The following FAM114A2 variants were observed in gnomAD, a reference collection of about 807,000 sequenced individuals.
FAM114A2 encodes the protein protein FAM114A2.
Under a neutral mutation model 58.4 loss-of-function variants are expected in FAM114A2, and 53 were observed. That is an observed-to-expected ratio of 0.91 (90% CI 0.73 to 1.14). The LOEUF (loss-of-function observed/expected upper bound fraction) is 1.14. Among genes scored for constraint, FAM114A2 ranks in the 50% most tolerant of loss-of-function variants. The pLI is 0.00. For synonymous variants in FAM114A2, 228 were observed against 211.4 expected, an observed-to-expected ratio of 1.08 and a Z score of -0.68; for missense variants, 601 against 581.1, an observed-to-expected ratio of 1.03 and a Z score of -0.35.
At chr5:154,037,868 C>G (rs111651017) in intron 1 of FAM114A2, among the ~76,000 whole-genome samples, 6 of 152,110 alleles carry the variant, frequency 3.9e-5, no homozygotes, top group Non-Finnish European at 7.4e-5. Context: ...AGTCCCTTTA[C>G]TAAAATATTA....
At chr5:154,025,168 C>A (rs953422848) in intron 8 of FAM114A2, among the ~76,000 whole-genome samples, 1 of 152,150 alleles carries the variant, frequency 6.6e-6, no homozygotes, top group Non-Finnish European at 1.5e-5. Flanking sequence ...TTTCCTGAGA[C>A]AACCATCATA....
At chr5:154,027,585 C>A (rs1457732329) in intron 6 of FAM114A2, 2 of 302,990 alleles carry the variant, frequency 6.6e-6, no homozygotes, top group Admixed American at 4.7e-5. Context: ...ACTGCAACCT[C>A]TGCCTCTCGG....
intron 12 of FAM114A2, chr5:153,995,193 T>G (rs1035726228): frequency 2.2e-6 from 1 of 448,808 alleles, no homozygotes; most frequent in Non-Finnish European, 4.0e-6. Context: ...GACAGTGTAT[T>G]GTTTTATACC....
chr5:154,016,827 GAC>G (rs1385768308), intron 8 of FAM114A2, among the ~76,000 whole-genome samples: 7 of 151,888 alleles, frequency 4.6e-5, no homozygotes, highest in African/African-American at 1.7e-4. Flanking sequence ...CCACTTAAAA[GAC>G]ACAGAATTGC....
rs944617969 is a variant in FAM114A2 at position 153,990,177 on chromosome 5, T to A, written c.*2799A>T. 7.2e-5 allele frequency: 11 copies of A among 152,234 alleles called. No homozygotes were observed. The highest frequency in any genetic ancestry group is 1.5e-4 in the Non-Finnish European group (10 of 68,040). The allele number at this position is 152,234 out of a possible 1,614,324, so 9.4% of individuals were successfully genotyped here. ...GTGCCCACTGTGGGTATAATTTTAT[T>A]CTGGGTTTTCTAAACTGAAGAATTC... On this transcript the variant is annotated 3_prime_UTR_variant, in exon 14 of 14. Transcript: ENST00000351797.
intron 8 of FAM114A2, among the ~76,000 whole-genome samples, chr5:154,023,571 T>A (rs1319661734): frequency 6.6e-6 from 1 of 152,020 alleles, no homozygotes; most frequent in South Asian, 2.1e-4. Context: ...GGAGCTAAGC[T>A]ATGAGGATGC....
chr5:154,026,531 A>G lies in FAM114A2; in HGVS notation c.790-9T>C. The G allele has an allele frequency of 1.4e-6, 2 of 1,465,712 alleles. No homozygotes were observed. Among genetic ancestry groups the G allele is most frequent in the Non-Finnish European group, 1.8e-6 (2 of 1,105,416 alleles). The allele number at this position is 1,465,712 out of a possible 1,614,324, so 90.8% of individuals were successfully genotyped here. ...TTAAGGATAGATTTCACCTGAATGG[A>G]TACAAGAACAAAATGTTGTAGGAGT... On this transcript the variant is annotated splice_polypyrimidine_tract_variant and intron_variant, in intron 7 of 13. Coordinates refer to ENST00000351797, the MANE Select transcript of FAM114A2 (RefSeq NM_018691.4).
At chr5:154,031,019 CAA>C (rs977104434) in intron 4 of FAM114A2, among the ~76,000 whole-genome samples, 1 of 152,120 alleles carries the variant, frequency 6.6e-6, no homozygotes, top group African/African-American at 2.4e-5. Context: ...ACAAGCTTTA[CAA>C]AAAGTCTTGG....
chr5:154,028,223 CCATT>C lies in FAM114A2; in HGVS notation c.552_555del (p.Asp186Ter), dbSNP rs1771932844. On this transcript the variant is annotated frameshift_variant, in exon 6 of 14. Transcript: ENST00000351797. LOFTEE classifies it high-confidence loss of function. ...CCAGGATCCCCTTCTGCTATCACAT[CCATT>C]GTCTTTTTTCCAATGAATTCTAAGG... is the stretch of plus-strand genomic sequence containing the variant. 5 of 1,610,942 alleles carry C rather than the reference CCATT, an allele frequency of 3.1e-6. No individual in the cohort carries two copies. The highest frequency in any genetic ancestry group is 4.2e-6 in the Non-Finnish European group (5 of 1,177,450).
chr5:154,026,139 C>T (rs1771754579), intron 8 of FAM114A2, among the ~76,000 whole-genome samples: 2 of 152,088 alleles, frequency 1.3e-5, no homozygotes, highest in Non-Finnish European at 2.9e-5. Context: ...ATGTGAGTTG[C>T]AAGATTAGAC....
chr5:154,026,230 T>A (rs553085154), intron 8 of FAM114A2, 169 bp downstream of exon 8: 5 of 411,932 alleles, frequency 1.2e-5, no homozygotes. Flanking sequence ...CAATGCCTAG[T>A]CAGGTGCAAG....
chr5:154,026,881 TAAA>T (rs369405624), intron 7 of FAM114A2, among the ~76,000 whole-genome samples: 1 of 132,848 alleles, frequency 7.5e-6, no homozygotes. Flanking sequence ...CCAAAGAAAC[TAAA>T]AAAAAAAAAA....
At chr5:154,003,389 A>AG (rs1770138610) in intron 9 of FAM114A2, among the ~76,000 whole-genome samples, 1 of 151,834 alleles carries the variant, frequency 6.6e-6, no homozygotes, top group African/African-American at 2.4e-5. Flanking sequence ...AGGTTGACCA[A>AG]GCTGGTCTCG....
At chr5:154,001,915 G>A (rs1180538751) in intron 11 of FAM114A2, among the ~76,000 whole-genome samples, 2 of 152,086 alleles carry the variant, frequency 1.3e-5, no homozygotes, top group Admixed American at 6.5e-5. Flanking sequence ...ACTTGGAATG[G>A]TATAAAATTA....
intron 11 of FAM114A2, among the ~76,000 whole-genome samples, chr5:154,000,871 TATTA>T (rs561392292): frequency 1.6e-4 from 24 of 152,326 alleles, no homozygotes; most frequent in South Asian, 8.3e-4. Context: ...TTAAAATATG[TATTA>T]ATTAATTCTC....
Position 153,991,416 on chromosome 5 carries a change from G to T in FAM114A2, c.*1560C>A, listed in dbSNP as rs1769242536. The T allele has an allele frequency of 1.3e-5, 2 of 152,250 alleles. No homozygotes were observed. Among genetic ancestry groups the T allele is most frequent in the South Asian group, 4.1e-4 (2 of 4,820 alleles). The allele number at this position is 152,250 out of a possible 1,614,324, so 9.4% of individuals were successfully genotyped here. A position where few individuals can be genotyped will look rare whatever the true frequency, so the allele number is the denominator to read the frequency against. ...AAGCTTGAGGCAACAATTCAGAACT[G>T]GTGACACCAGCCTTTGTAACCAGAA... On this transcript the variant is annotated 3_prime_UTR_variant, in exon 14 of 14. Coordinates refer to ENST00000351797, the MANE Select transcript of FAM114A2 (RefSeq NM_018691.4).
chr5:154,006,551 G>C (rs894445310), intron 9 of FAM114A2, among the ~76,000 whole-genome samples: 2 of 152,126 alleles, frequency 1.3e-5, no homozygotes, highest in Non-Finnish European at 2.9e-5. Flanking sequence ...TGAGGAGTGT[G>C]ACAGAAAATT....
intron 11 of FAM114A2, among the ~76,000 whole-genome samples, chr5:154,000,519 A>C (rs1236740076): frequency 6.6e-6 from 1 of 152,132 alleles, no homozygotes; most frequent in Non-Finnish European, 1.5e-5. Context: ...AAAGGCATTA[A>C]ATTTGTGGGT....
In FAM114A2 at chr5:154,027,010, A is replaced by C. The variant is rs139585111; in HGVS notation, c.789+166T>G. Reference sequence around the variant, plus strand: ...TAATTCTGCTTTTAGCAATTAGTTCAATCAAACATTAGTTTTTAAATTTAT... The same window carrying C: ...TAATTCTGCTTTTAGCAATTAGTTCCATCAAACATTAGTTTTTAAATTTAT... On this transcript the variant is annotated intron_variant, in intron 7 of 13. Transcript: ENST00000351797. Among the ~76,000 whole-genome samples, 900 of 152,248 alleles carry C rather than the reference A, an allele frequency of 5.9e-3. 3 individuals carry two copies. Among genetic ancestry groups the C allele is most frequent in the Non-Finnish European group, 9.0e-3 (612 of 68,024 alleles).
Sources: allele counts gnomAD v4.1 joint callset (sites outside exome capture counted in the v4.1 genomes callset), GRCh38; gene constraint gnomAD v4.1.1; transcripts MANE v1.5; gene names NCBI Gene and HGNC (gene_info 2026-07-23, HGNC 2026-07-21).